DPP10: variants seen among roughly 807,000 people sequenced by gnomAD.
DPP10 encodes the protein inactive dipeptidyl peptidase 10.
In DPP10, 33 loss-of-function variants were observed where a neutral mutation model predicts 120.9. That is an observed-to-expected ratio of 0.27 (90% confidence interval 0.21 to 0.37). The LOEUF (loss-of-function observed/expected upper bound fraction) is 0.37. Ranked by LOEUF, DPP10 falls within the 10% of genes least tolerant of loss-of-function variation. The pLI is 1.00. For synonymous variants in DPP10, 337 were observed against 326.1 expected, an observed-to-expected ratio of 1.03 and a Z score of -0.36; for missense variants, 816 against 942.8, an observed-to-expected ratio of 0.87 and a Z score of 1.76.
At chr2:115,264,692 T>C (rs1302331830) in intron 1 of DPP10, among the ~76,000 whole-genome samples, 4 of 152,318 alleles carry the variant, frequency 2.6e-5, no homozygotes, top group African/African-American at 9.6e-5. Context: ...AAATTCAAAA[T>C]ATAGCTTGAG....
At chr2:115,779,356 AT>A (rs1682483288) in intron 15 of DPP10, among the ~76,000 whole-genome samples, 1 of 152,068 alleles carries the variant, frequency 6.6e-6, no homozygotes, top group Admixed American at 6.6e-5. Flanking sequence ...CTGTAAGATA[AT>A]GTTAGTGTTT....
intron 1 of DPP10, among the ~76,000 whole-genome samples, chr2:114,468,397 C>CAAAAAAAAAAAAAAAAAAAAAAAAA (rs71297186): frequency 1.4e-5 from 1 of 69,550 alleles, no homozygotes; most frequent in African/African-American, 5.3e-5. Flanking sequence ...GCTTACAATG[C>CAAAAAAAAAAAAAAAAAAAAAAAAA]AAAAAAAAAA....
intron 4 of DPP10, among the ~76,000 whole-genome samples, chr2:115,502,919 A>G (rs1274209983): frequency 2.4e-4 from 36 of 151,524 alleles, no homozygotes; most frequent in Admixed American, 2.4e-3. Flanking sequence ...GCCCAGGTTC[A>G]TCTTGAACTA....
At chr2:114,888,136 C>T (rs1692224982) in intron 1 of DPP10, among the ~76,000 whole-genome samples, 1 of 143,958 alleles carries the variant, frequency 6.9e-6, no homozygotes, top group Non-Finnish European at 1.5e-5. Context: ...GAGCGAGCCT[C>T]CGTCTCAAAA....
intron 3 of DPP10, among the ~76,000 whole-genome samples, chr2:115,478,298 CAGTG>C (rs1343113155): frequency 1.9e-4 from 29 of 152,226 alleles, no homozygotes; most frequent in Non-Finnish European, 1.3e-4. Flanking sequence ...ATTGAGACCT[CAGTG>C]AGGAAAAGAC....
chr2:114,754,205 G>T (rs2106062206), intron 1 of DPP10, among the ~76,000 whole-genome samples: 1 of 152,220 alleles, frequency 6.6e-6, no homozygotes, highest in East Asian at 1.9e-4. Context: ...GATAGTTGAG[G>T]GATGGGGAAC....
chr2:114,821,418 G>A (rs1353134276), intron 1 of DPP10, among the ~76,000 whole-genome samples: 1 of 111,774 alleles, frequency 8.9e-6, no homozygotes, highest in African/African-American at 3.7e-5. Context: ...AAAAGTGGGG[G>A]TTTTCCTTCT....
intron 1 of DPP10, among the ~76,000 whole-genome samples, chr2:115,030,421 A>G (rs1438687813): frequency 6.6e-6 from 1 of 152,080 alleles, no homozygotes; most frequent in African/African-American, 2.4e-5. Context: ...GAGTTTACTT[A>G]TGGTTATTCA....
At chr2:114,734,717 G>T (rs771724198) in intron 1 of DPP10, among the ~76,000 whole-genome samples, 3 of 152,134 alleles carry the variant, frequency 2.0e-5, no homozygotes, top group African/African-American at 7.2e-5. Context: ...ACAGAAAAGT[G>T]TCTGAAATGG....
intron 1 of DPP10, among the ~76,000 whole-genome samples, chr2:114,451,999 T>C (rs898592340): frequency 1.3e-5 from 2 of 152,164 alleles, no homozygotes; most frequent in Non-Finnish European, 2.9e-5. Flanking sequence ...TGAAGGTTAT[T>C]AATAACTTAT....
chr2:114,702,058 T>A (rs1401320008), intron 1 of DPP10, among the ~76,000 whole-genome samples: 1 of 152,158 alleles, frequency 6.6e-6, no homozygotes, highest in Non-Finnish European at 1.5e-5. Flanking sequence ...TCTGAGCATC[T>A]GTAAGTTACC....
At chr2:115,777,172 A>G in intron 13 of DPP10, 36 bp from the exon 14 acceptor site, 6 of 1,592,368 alleles carry the variant, frequency 3.8e-6, no homozygotes, top group Non-Finnish European at 5.2e-6. Flanking sequence ...TGCTGTTTAA[A>G]TGAAAGGAAA....
intron 5 of DPP10, among the ~76,000 whole-genome samples, chr2:115,625,607 CA>C (rs1210670442): frequency 6.6e-6 from 1 of 152,122 alleles, no homozygotes; most frequent in African/African-American, 2.4e-5. Flanking sequence ...AAATCAACTA[CA>C]AAAAATTATA....
At chr2:115,566,534 C>A (rs2081019508) in intron 5 of DPP10, among the ~76,000 whole-genome samples, 1 of 151,928 alleles carries the variant, frequency 6.6e-6, no homozygotes, top group Non-Finnish European at 1.5e-5. Context: ...ATCCAATTTT[C>A]TAGATTTGGC....
chr2:115,061,732 T>C (rs964183095), intron 1 of DPP10, among the ~76,000 whole-genome samples: 5 of 152,132 alleles, frequency 3.3e-5, no homozygotes, highest in African/African-American at 1.2e-4. Flanking sequence ...CAAAGATCAT[T>C]TGAGGCAGGT....
At chr2:114,839,751 G>A (rs1261734441) in intron 1 of DPP10, among the ~76,000 whole-genome samples, 1 of 152,120 alleles carries the variant, frequency 6.6e-6, no homozygotes, top group African/African-American at 2.4e-5. Flanking sequence ...TTTTAGGACT[G>A]TGAGGTAAGA....
intron 1 of DPP10, among the ~76,000 whole-genome samples, chr2:114,786,360 C>T (rs1182507314): frequency 6.6e-6 from 1 of 152,184 alleles, no homozygotes; most frequent in Non-Finnish European, 1.5e-5. Flanking sequence ...TCTTTGCACC[C>T]TCCAGGGTAG....
At chr2:115,828,792 G>A (rs1164815040) in intron 21 of DPP10, among the ~76,000 whole-genome samples, 2 of 151,884 alleles carry the variant, frequency 1.3e-5, no homozygotes, top group East Asian at 1.9e-4. Context: ...GCTTCATCAC[G>A]TTGGAATTGT....
chr2:114,870,987 C>CT (rs34571820), intron 1 of DPP10, among the ~76,000 whole-genome samples: 69,911 of 124,846 alleles, frequency 0.56, 26,034 homozygotes, highest in East Asian at 0.71. Flanking sequence ...TTTTTCTTTT[C>CT]TTTTTTTTTT....
Sources: allele counts gnomAD v4.1 joint callset (sites outside exome capture counted in the v4.1 genomes callset), GRCh38; gene constraint gnomAD v4.1.1; transcripts MANE v1.5; gene names NCBI Gene and HGNC (gene_info 2026-07-23, HGNC 2026-07-21).